TECPR2: variants seen among roughly 807,000 people sequenced by gnomAD.
TECPR2 encodes the protein tectonin beta-propeller repeat containing 2.
Under a neutral mutation model 138.1 loss-of-function variants are expected in TECPR2, and 65 were observed. The observed-to-expected ratio is 0.47, with a 90% confidence interval of 0.39 to 0.58. The LOEUF (loss-of-function observed/expected upper bound fraction) is 0.58, where lower values mean the gene tolerates loss of function less well. Ranked by LOEUF, TECPR2 falls within the 20% of genes least tolerant of loss-of-function variation. The probability of loss-of-function intolerance (pLI) is 0.00; values close to 1 mark genes in which losing one functional copy is unlikely to be tolerated. For missense variants in TECPR2, 1,553 were observed against 1,824.5 expected, an observed-to-expected ratio of 0.85 and a Z score of 2.71; for synonymous variants, 746 against 749.8, an observed-to-expected ratio of 0.99 and a Z score of 0.08.
chr14:102,496,814 C>A, intron 17 of TECPR2, 165 bp from the exon 18 acceptor site: 5 of 1,000,846 alleles, frequency 5.0e-6, no homozygotes, highest in Non-Finnish European at 5.8e-6. Flanking sequence ...GACCATCTCC[C>A]CCGTGAGACT....
At chr14:102,445,623 T>C (rs1435381211) in intron 12 of TECPR2, among the ~76,000 whole-genome samples, 183 bp from the exon 13 acceptor site, 1 of 152,148 alleles carries the variant, frequency 6.6e-6, no homozygotes, top group East Asian at 1.9e-4. Context: ...ACTTGAACCA[T>C]ATCTCTTGCA....
intron 8 of TECPR2, among the ~76,000 whole-genome samples, chr14:102,433,500 T>A (rs1452302953): frequency 6.7e-6 from 1 of 148,888 alleles, no homozygotes; most frequent in African/African-American, 2.5e-5. Context: ...TTATTTTTAT[T>A]TATTTATTTA....
At chr14:102,375,166 G>A (rs979775141) in intron 1 of TECPR2, among the ~76,000 whole-genome samples, 6 of 152,016 alleles carry the variant, frequency 3.9e-5, no homozygotes, top group African/African-American at 4.8e-5. Context: ...GCAACACAGC[G>A]AGACCTCATC....
chr14:102,497,532 C>T, intron 18 of TECPR2, 38 bp from the exon 19 acceptor site: 1 of 1,491,478 alleles, frequency 6.7e-7, no homozygotes. Context: ...CCATCCCGTC[C>T]ATGGCAGGGG....
In TECPR2 at chr14:102,414,827, TG is replaced by T. The variant is rs970895787; in HGVS notation, c.638+35del. On this transcript the variant is annotated intron_variant, in intron 5 of 19. Coordinates refer to ENST00000359520, the MANE Select transcript of TECPR2 (RefSeq NM_014844.5). Reference sequence around the variant, plus strand: ...CACAAGTTTGCCAGTTTGGCCTAAATGCTGGGCCTTGTTGTAGAAGGTGCTT... The same window carrying T: ...CACAAGTTTGCCAGTTTGGCCTAAATCTGGGCCTTGTTGTAGAAGGTGCTT... 3.7e-6 allele frequency: 6 copies of T among 1,610,742 alleles called. No individual in the cohort carries two copies. The African/African-American group carries it at 8.0e-5, about 22-fold the overall frequency.
chr14:102,496,661 A>C (rs1048818624), intron 17 of TECPR2, among the ~76,000 whole-genome samples: 2 of 152,124 alleles, frequency 1.3e-5, no homozygotes, highest in African/African-American at 4.8e-5. Context: ...CTTCACAGCC[A>C]GGTCCGCCGC....
intron 1 of TECPR2, among the ~76,000 whole-genome samples, chr14:102,366,032 T>C (rs1402082289): frequency 6.6e-6 from 1 of 152,192 alleles, no homozygotes; most frequent in African/African-American, 2.4e-5. Flanking sequence ...AATTGTTGCT[T>C]CCTAGGGATT....
At chr14:102,401,131 T>C (rs1325019951) in intron 2 of TECPR2, among the ~76,000 whole-genome samples, 1 of 152,132 alleles carries the variant, frequency 6.6e-6, no homozygotes, top group East Asian at 1.9e-4. Context: ...ACAAAGATTG[T>C]CAAAATGGTT....
chr14:102,472,074 G>A (rs547761554), intron 17 of TECPR2, among the ~76,000 whole-genome samples: 96 of 152,344 alleles, frequency 6.3e-4, no homozygotes, highest in Admixed American at 4.6e-4. Flanking sequence ...TAGAAAGAAC[G>A]TCCTTGAGTG....
At chr14:102,414,844 G>A (rs1888977897) in intron 5 of TECPR2, 51 bp downstream of exon 5, 7 of 1,603,308 alleles carry the variant, frequency 4.4e-6, no homozygotes, top group Non-Finnish European at 5.1e-6. Flanking sequence ...CCTTGTTGTA[G>A]AAGGTGCTTT....
chr14:102,400,853 G>A (rs563731857), intron 2 of TECPR2, among the ~76,000 whole-genome samples: 122 of 151,862 alleles, frequency 8.0e-4, no homozygotes, highest in African/African-American at 2.7e-3. Context: ...CCAAGATGGT[G>A]TAACCCCGTC....
chr14:102,456,167 A>C (rs1405236404), intron 16 of TECPR2, among the ~76,000 whole-genome samples: 1 of 152,134 alleles, frequency 6.6e-6, no homozygotes, highest in Non-Finnish European at 1.5e-5. Context: ...GGTCATCCTA[A>C]GGCTGTGACA....
chr14:102,445,839 G>C lies in TECPR2; in HGVS notation c.2967G>C (p.Thr989=), dbSNP rs1345090533. ...ERQALEPVCI[T]LGDQQTLWAL... ...AAGCTTTAGAACCCGTCTGCATAAC[G>C]CTCGGGGATCAGCAGACTCTCTGGG... The change falls in exon 13 of 20, where the codon ACG becomes ACC. Residue 989 remains threonine (T), a synonymous_variant. Transcript: ENST00000359520. 5 of 1,613,836 alleles carry C rather than the reference G, an allele frequency of 3.1e-6. No homozygotes were observed. In the East Asian group the frequency reaches 1.1e-4, roughly 36 times the overall value.
Position 102,501,550 on chromosome 14 carries a change from A to G in TECPR2, c.*3293A>G, listed in dbSNP as rs1891435897. On this transcript the variant is annotated 3_prime_UTR_variant, in exon 20 of 20. Transcript: ENST00000359520. ...GAGCAAGACCTTGTTTCTCAAAAAT[A>G]AATAAATAGAAGGAAATAAATGTAA... 1 of 152,230 alleles carries G rather than the reference A, an allele frequency of 6.6e-6. No homozygotes were observed. The highest frequency in any genetic ancestry group is 6.5e-5 in the Admixed American group (1 of 15,288). The allele number at this position is 152,230 out of a possible 1,614,324, so 9.4% of individuals were successfully genotyped here. A position where few individuals can be genotyped will look rare whatever the true frequency, so the allele number is the denominator to read the frequency against.
chr14:102,491,807 C>A (rs916739181), intron 17 of TECPR2, among the ~76,000 whole-genome samples: 1 of 152,148 alleles, frequency 6.6e-6, no homozygotes, highest in South Asian at 2.1e-4. Context: ...TTGGTTTGTC[C>A]GGGTTGTGCC....
chr14:102,497,315 G>A (rs1891310975), intron 18 of TECPR2, among the ~76,000 whole-genome samples, 195 bp downstream of exon 18: 1 of 152,212 alleles, frequency 6.6e-6, no homozygotes. Flanking sequence ...CCGTCCTGCT[G>A]GTGCTTTTGT....
chr14:102,472,109 T>G (rs1300807339), intron 17 of TECPR2, among the ~76,000 whole-genome samples: 1 of 152,182 alleles, frequency 6.6e-6, no homozygotes, highest in Admixed American at 6.5e-5. Context: ...GTGCCTTGCC[T>G]CCTCCTTTTC....
At chr14:102,446,694 G>A (rs549138817) in intron 13 of TECPR2, among the ~76,000 whole-genome samples, 1 of 152,256 alleles carries the variant, frequency 6.6e-6, no homozygotes. Flanking sequence ...CCAGCCAATA[G>A]TATTCCTTTT....
intron 17 of TECPR2, among the ~76,000 whole-genome samples, chr14:102,494,823 T>C (rs1891238838): frequency 8.5e-6 from 1 of 117,726 alleles, no homozygotes; most frequent in South Asian, 2.9e-4. Context: ...AAACTCCGTC[T>C]CAAAAAAAAA....
Sources: gnomAD v4.1 joint callset for allele counts (sites outside exome capture counted in the v4.1 genomes callset) on GRCh38, gnomAD v4.1.1 for gene constraint, MANE v1.5 for transcripts, NCBI Gene and HGNC (gene_info 2026-07-23, HGNC 2026-07-21) for gene names.